The following CREB5 variants were observed in gnomAD, a reference collection of about 807,000 sequenced individuals.
CREB5 encodes cyclic AMP-responsive element-binding protein 5.
Under a neutral mutation model 57.1 loss-of-function variants are expected in CREB5, and 19 were observed. The observed-to-expected ratio is 0.33, with a 90% CI of 0.23 to 0.49. CREB5 has a LOEUF of 0.49. CREB5 is among the 20% of genes least tolerant of loss of function. The pLI is 0.99. For synonymous variants in CREB5, 238 were observed against 238.3 expected, an observed-to-expected ratio of 1.00 and a Z score of 0.01; for missense variants, 579 against 671.6, an observed-to-expected ratio of 0.86 and a Z score of 1.52.
At chr7:28,648,597 C>T (rs574536119) in intron 5 of CREB5, among the ~76,000 whole-genome samples, 17 of 152,150 alleles carry the variant, frequency 1.1e-4, no homozygotes, top group African/African-American at 4.1e-4. Context: ...AAAAAATTAG[C>T]TGGGCTTGCT....
intron 9 of CREB5, among the ~76,000 whole-genome samples, chr7:28,814,655 T>C (rs117392448): frequency 0.011 from 1,740 of 152,204 alleles, 15 homozygotes; most frequent in Admixed American, 0.02. Flanking sequence ...GAATTGCTTG[T>C]AGAATAAAAA....
chr7:28,572,794 T>C (rs1156594003), intron 5 of CREB5, among the ~76,000 whole-genome samples: 1 of 152,232 alleles, frequency 6.6e-6, no homozygotes, highest in Non-Finnish European at 1.5e-5. Flanking sequence ...TTGTAGGCTG[T>C]GTCACCATGC....
At chr7:28,338,027 C>A (rs914819487) in intron 1 of CREB5, among the ~76,000 whole-genome samples, 1 of 152,106 alleles carries the variant, frequency 6.6e-6, no homozygotes, top group Non-Finnish European at 1.5e-5. Context: ...CATTCCCCTA[C>A]TTTTTAACTT....
chr7:28,701,044 G>A (rs1428375120), intron 5 of CREB5, among the ~76,000 whole-genome samples: 2 of 151,848 alleles, frequency 1.3e-5, no homozygotes, highest in African/African-American at 4.8e-5. Flanking sequence ...AGATTTGTGG[G>A]CACCTGCCCA....
intron 1 of CREB5, among the ~76,000 whole-genome samples, chr7:28,304,322 A>C (rs1785149677): frequency 6.6e-6 from 1 of 152,254 alleles, no homozygotes; most frequent in South Asian, 2.1e-4. Context: ...ATAGACTTAT[A>C]GTACAAGAGG....
chr7:28,527,327 C>T (rs2128619674), intron 4 of CREB5, among the ~76,000 whole-genome samples: 1 of 152,282 alleles, frequency 6.6e-6, no homozygotes, highest in Non-Finnish European at 1.5e-5. Context: ...TCAGTGCTTA[C>T]CAAATGCCTT....
intron 5 of CREB5, among the ~76,000 whole-genome samples, chr7:28,633,924 G>A (rs41305): frequency 0.35 from 53,510 of 152,052 alleles, 9,627 homozygotes; most frequent in East Asian, 0.46. Flanking sequence ...AATCACTGTT[G>A]TCTGTAGCCA....
At chr7:28,500,540 T>A (rs539674797) in intron 3 of CREB5, among the ~76,000 whole-genome samples, 16 of 152,238 alleles carry the variant, frequency 1.1e-4, no homozygotes, top group Non-Finnish European at 2.4e-4. Flanking sequence ...GTCCCTGGAT[T>A]AGGTCTATAA....
At chr7:28,772,426 C>G (rs867136235) in intron 7 of CREB5, among the ~76,000 whole-genome samples, 2 of 152,112 alleles carry the variant, frequency 1.3e-5, no homozygotes, top group African/African-American at 4.8e-5. Flanking sequence ...GGCTGGGAGC[C>G]CAGGCGCCGC....
At chr7:28,332,607 C>T (rs1047737147) in intron 1 of CREB5, among the ~76,000 whole-genome samples, 3 of 152,178 alleles carry the variant, frequency 2.0e-5, no homozygotes, top group Admixed American at 6.5e-5. Context: ...GCAACCTTCT[C>T]CTGGGCCAGT....
intron 5 of CREB5, among the ~76,000 whole-genome samples, chr7:28,634,406 T>G (rs1476294715): frequency 1.3e-5 from 2 of 152,200 alleles, no homozygotes; most frequent in African/African-American, 4.8e-5. Flanking sequence ...TTACTCTTAA[T>G]GAAAAATATT....
chr7:28,647,195 G>C (rs1337145538), intron 5 of CREB5, among the ~76,000 whole-genome samples: 1 of 151,178 alleles, frequency 6.6e-6, no homozygotes, highest in Admixed American at 6.6e-5. Flanking sequence ...AGACACCAGG[G>C]CTTGCCAGCA....
At chr7:28,601,961 ATTC>A (rs1295633693) in intron 5 of CREB5, among the ~76,000 whole-genome samples, 4 of 152,124 alleles carry the variant, frequency 2.6e-5, no homozygotes, top group Non-Finnish European at 5.9e-5. Context: ...ATTAAGACAT[ATTC>A]TTAGGAACTT....
At chr7:28,454,785 G>C (rs971880022) in intron 1 of CREB5, among the ~76,000 whole-genome samples, 1 of 152,072 alleles carries the variant, frequency 6.6e-6, no homozygotes, top group African/African-American at 2.4e-5. Flanking sequence ...GAGTTGAGTT[G>C]GTATGCCACT....
At chr7:28,781,134 G>A (rs368169242) in intron 7 of CREB5, among the ~76,000 whole-genome samples, 11 of 152,290 alleles carry the variant, frequency 7.2e-5, no homozygotes, top group African/African-American at 2.2e-4. Flanking sequence ...TAGCTAAGTC[G>A]ACTCTCTGAG....
chr7:28,539,497 G>A (rs1380787212), intron 4 of CREB5, among the ~76,000 whole-genome samples: 4 of 152,202 alleles, frequency 2.6e-5, no homozygotes, highest in Non-Finnish European at 5.9e-5. Context: ...ATGAAAGCCT[G>A]TTTCTCAAGA....
intron 1 of CREB5, among the ~76,000 whole-genome samples, chr7:28,421,911 T>C (rs944969454): frequency 1.4e-5 from 2 of 140,140 alleles, no homozygotes; most frequent in East Asian, 4.3e-4. Context: ...ATAGAGAGAG[T>C]GTGTATGTGT....
chr7:28,414,794 T>A (rs919242089), intron 1 of CREB5, among the ~76,000 whole-genome samples: 43 of 152,136 alleles, frequency 2.8e-4, no homozygotes, highest in Non-Finnish European at 4.6e-4. Flanking sequence ...ATTTTTTTTT[T>A]TATAAAAAGA....
intron 1 of CREB5, among the ~76,000 whole-genome samples, chr7:28,310,088 G>A (rs1000848051): frequency 1.3e-5 from 2 of 152,066 alleles, no homozygotes; most frequent in Admixed American, 6.6e-5. Flanking sequence ...GACATTGGAG[G>A]GTGGACACAG....
Sources: allele counts gnomAD v4.1 joint callset (sites outside exome capture counted in the v4.1 genomes callset), GRCh38; gene constraint gnomAD v4.1.1; transcripts MANE v1.5; gene names NCBI Gene and HGNC (gene_info 2026-07-23, HGNC 2026-07-21).